RFTN2: variants seen among roughly 807,000 people sequenced by gnomAD.
The protein encoded by RFTN2 is raftlin-2.
Under a neutral mutation model 52.7 loss-of-function variants are expected in RFTN2, and 34 were observed. The observed-to-expected ratio is 0.64, with a 90% CI of 0.49 to 0.86. The LOEUF (loss-of-function observed/expected upper bound fraction) is 0.86. Among genes scored for constraint, RFTN2 ranks in the 40% least tolerant of loss-of-function variants. The pLI is 0.00. For missense variants in RFTN2, 536 were observed against 600.1 expected (o/e 0.89, Z 1.12); for synonymous variants, 203 against 217.7 (o/e 0.93, Z 0.59).
chr2:197,651,533 C>A (rs986103468), intron 1 of RFTN2, among the ~76,000 whole-genome samples: 2 of 152,090 alleles, frequency 1.3e-5, no homozygotes, highest in Non-Finnish European at 2.9e-5. Context: ...GCAGGAGAAT[C>A]GCTTGAACCC....
intron 7 of RFTN2, among the ~76,000 whole-genome samples, chr2:197,611,610 C>T (rs1302277572): frequency 1.2e-4 from 18 of 152,068 alleles, no homozygotes; most frequent in Non-Finnish European, 2.4e-4. Flanking sequence ...TCTCTATCTC[C>T]TTCATTTCTG....
chr2:197,670,989 C>G (rs2089140532), intron 1 of RFTN2, among the ~76,000 whole-genome samples: 1 of 152,204 alleles, frequency 6.6e-6, no homozygotes, highest in African/African-American at 2.4e-5. Flanking sequence ...TGTATCCTAT[C>G]CCTGTTACTG....
chr2:197,594,570 A>G (rs911050864), intron 8 of RFTN2, among the ~76,000 whole-genome samples: 3 of 152,158 alleles, frequency 2.0e-5, no homozygotes, highest in Admixed American at 6.5e-5. Flanking sequence ...GGGTTCAAGC[A>G]GTTCTCCCAC....
At chr2:197,612,120 T>C (rs1251094395) in intron 7 of RFTN2, among the ~76,000 whole-genome samples, 2 of 152,192 alleles carry the variant, frequency 1.3e-5, no homozygotes, top group Non-Finnish European at 2.9e-5. Flanking sequence ...AGGTGTCTAT[T>C]AGGTTCACTT....
At chr2:197,647,381 T>C (rs1056962272) in intron 1 of RFTN2, among the ~76,000 whole-genome samples, 1 of 152,128 alleles carries the variant, frequency 6.6e-6, no homozygotes, top group Non-Finnish European at 1.5e-5. Context: ...GGCTGAGTTT[T>C]GTATTTTTTG....
intron 1 of RFTN2, among the ~76,000 whole-genome samples, chr2:197,649,196 A>C (rs1366693077): frequency 6.6e-6 from 1 of 152,250 alleles, no homozygotes; most frequent in Non-Finnish European, 1.5e-5. Context: ...AGAAAAACAT[A>C]GGCAGTGACG....
In RFTN2 at chr2:197,644,118, G is replaced by T. The variant is rs1179796098; in HGVS notation, c.438+40C>A. 8 of 1,105,124 alleles carry T rather than the reference G, an allele frequency of 7.2e-6. No homozygotes were observed. The East Asian group carries it at 1.9e-4, about 26-fold the overall frequency. 68.5% of individuals were successfully genotyped at this position (1,105,124 alleles called of 1,614,324 possible). A position where few individuals can be genotyped will look rare whatever the true frequency, so the allele number is the denominator to read the frequency against. On this transcript the variant is annotated intron_variant, in intron 3 of 8. Coordinates refer to ENST00000295049, the MANE Select transcript of RFTN2 (RefSeq NM_144629.3). The stretch of plus-strand genomic sequence containing the variant: ...AATTGATGAAGATGAAATACCAAAT[G>T]TTTGTCAATATCCCATGAAAAAGTG...
intron 8 of RFTN2, among the ~76,000 whole-genome samples, chr2:197,589,321 C>T (rs1282331309): frequency 6.6e-6 from 1 of 150,814 alleles, no homozygotes; most frequent in African/African-American, 2.4e-5. Flanking sequence ...ACTTGCTCCT[C>T]CTTGCCTTCT....
At chr2:197,640,620 C>T (rs1215298083) in intron 3 of RFTN2, among the ~76,000 whole-genome samples, 1 of 152,226 alleles carries the variant, frequency 6.6e-6, no homozygotes, top group Non-Finnish European at 1.5e-5. Context: ...ACCCACTGAC[C>T]TGCGCCCACT....
At chr2:197,610,438 C>T (rs1461667260) in intron 7 of RFTN2, among the ~76,000 whole-genome samples, 1 of 152,100 alleles carries the variant, frequency 6.6e-6, no homozygotes, top group Non-Finnish European at 1.5e-5. Context: ...TATAGGAATG[C>T]TTGTTATTTT....
At chr2:197,582,030 C>T (rs1236135575) in intron 8 of RFTN2, among the ~76,000 whole-genome samples, 2 of 152,204 alleles carry the variant, frequency 1.3e-5, no homozygotes, top group Non-Finnish European at 1.5e-5. Context: ...CAGGGCTGTG[C>T]AGTTGGAATT....
chr2:197,657,205 T>C (rs1375510777), intron 1 of RFTN2, among the ~76,000 whole-genome samples: 2 of 152,126 alleles, frequency 1.3e-5, no homozygotes, highest in East Asian at 3.8e-4. Flanking sequence ...AATCCAATTC[T>C]TATATAATAT....
Position 197,571,769 on chromosome 2 carries a change from A to C in RFTN2, c.*239T>G, listed in dbSNP as rs1221204884. ...TTATTGTGTAATAACCGAATGGAAC[A>C]TCTGTTTAACCAGATGTTTTAGTTG... On this transcript the variant is annotated 3_prime_UTR_variant, in exon 9 of 9. Transcript: ENST00000295049. 2 of 533,232 alleles carry C rather than the reference A, an allele frequency of 3.8e-6. No individual in the cohort carries two copies. The highest frequency in any genetic ancestry group is 6.7e-6 in the Non-Finnish European group (2 of 299,840). 33.0% of individuals were successfully genotyped at this position (533,232 alleles called of 1,614,324 possible).
rs888177764 is a variant in RFTN2 at position 197,570,736 on chromosome 2, A to C, written c.*1272T>G. The C allele has an allele frequency of 3.3e-5, 5 of 152,240 alleles. No individual in the cohort carries two copies. Among genetic ancestry groups the C allele is most frequent in the African/African-American group, 1.2e-4 (5 of 41,466 alleles). 9.4% of individuals were successfully genotyped at this position (152,240 alleles called of 1,614,324 possible). A position where few individuals can be genotyped will look rare whatever the true frequency, so the allele number is the denominator to read the frequency against. On this transcript the variant is annotated 3_prime_UTR_variant, in exon 9 of 9. Coordinates refer to ENST00000295049, the MANE Select transcript of RFTN2 (RefSeq NM_144629.3). Reference sequence around the variant, plus strand: ...CAGAGTGAGACTCCGTCTCAAAAAAAGCCACAAAAAACCCCCAAACCAAAC... The same window carrying C: ...CAGAGTGAGACTCCGTCTCAAAAAACGCCACAAAAAACCCCCAAACCAAAC...
intron 1 of RFTN2, among the ~76,000 whole-genome samples, chr2:197,668,266 C>T (rs1190229179): frequency 6.6e-6 from 1 of 152,082 alleles, no homozygotes; most frequent in Non-Finnish European, 1.5e-5. Context: ...TGAAGCTAGG[C>T]TAGAGGGGCT....
intron 7 of RFTN2, among the ~76,000 whole-genome samples, chr2:197,611,481 G>A (rs551629656): frequency 1.1e-4 from 16 of 152,028 alleles, no homozygotes; most frequent in South Asian, 8.3e-4. Context: ...TTTTTATTGC[G>A]TCTATTTGAT....
At chr2:197,629,733 T>TTTATG (rs1324643293) in intron 5 of RFTN2, among the ~76,000 whole-genome samples, 1 of 148,576 alleles carries the variant, frequency 6.7e-6, no homozygotes, top group Admixed American at 6.8e-5. Context: ...TTTATTTTAT[T>TTTATG]TTTTTTTGAG....
chr2:197,622,858 AG>A (rs2088291110), intron 5 of RFTN2, among the ~76,000 whole-genome samples: 1 of 152,340 alleles, frequency 6.6e-6, no homozygotes, highest in East Asian at 1.9e-4. Flanking sequence ...TGGAAAACAA[AG>A]GCTGGATGAC....
intron 6 of RFTN2, among the ~76,000 whole-genome samples, chr2:197,617,350 C>T (rs2088161899): frequency 6.6e-6 from 1 of 152,152 alleles, no homozygotes; most frequent in South Asian, 2.1e-4. Context: ...AAGCAAATTA[C>T]CTTTTCACAA....
Sources: gnomAD v4.1 joint callset for allele counts (sites outside exome capture counted in the v4.1 genomes callset) on GRCh38, gnomAD v4.1.1 for gene constraint, MANE v1.5 for transcripts, NCBI Gene and HGNC (gene_info 2026-07-23, HGNC 2026-07-21) for gene names.